LNPK: variants seen among roughly 807,000 people sequenced by gnomAD.
LNPK encodes endoplasmic reticulum junction formation protein lunapark.
A neutral mutation model predicts 55.2 loss-of-function variants in LNPK; 29 were observed. That is an observed-to-expected ratio of 0.53 (90% confidence interval 0.39 to 0.72). The LOEUF (loss-of-function observed/expected upper bound fraction) is 0.72. LNPK is among the 30% of genes least tolerant of loss of function. The pLI, the probability that LNPK is intolerant of heterozygous loss-of-function variation, is 0.00. For synonymous variants in LNPK, 162 were observed against 168.2 expected, an observed-to-expected ratio of 0.96 and a Z score of 0.29; for missense variants, 467 against 494.8, an observed-to-expected ratio of 0.94 and a Z score of 0.53.
At chr2:175,960,672 A>C (rs1299745840) in intron 8 of LNPK, among the ~76,000 whole-genome samples, 2 of 152,214 alleles carry the variant, frequency 1.3e-5, no homozygotes, top group Non-Finnish European at 2.9e-5. Context: ...GAGCAAACAC[A>C]TTCAAAAGCT....
intron 6 of LNPK, among the ~76,000 whole-genome samples, chr2:175,964,873 A>G (rs573342568): frequency 7.9e-4 from 120 of 152,278 alleles, no homozygotes; most frequent in Admixed American, 3.1e-3. Context: ...AATGTGCAAA[A>G]ATCTATCAGC....
At position 175,964,443 on chromosome 2, in the gene LNPK, T is replaced by C; in HGVS notation, c.442-20A>G. On this transcript the variant is annotated intron_variant, in intron 7 of 12. Transcript: ENST00000272748. ...ACACTCCTGTCAATTATAATAATGT[T>C]ATTACAGTGACCTATTACAATGTGT... 6.2e-7 allele frequency: 1 copy of C among 1,608,546 alleles called. No homozygotes were observed. Among genetic ancestry groups the C allele is most frequent in the Middle Eastern group, 1.7e-4 (1 of 6,046 alleles).
chr2:175,995,804 CTTTTTTTTTTTTTTT>C (rs10674444), intron 1 of LNPK, among the ~76,000 whole-genome samples, 158 bp from the exon 2 acceptor site: 1 of 66,398 alleles, frequency 1.5e-5, no homozygotes, highest in South Asian at 8.3e-4. Context: ...TAGAGTCTAC[CTTTTTTTTTTTTTTT>C]TTTTTTTTTT....
intron 12 of LNPK, among the ~76,000 whole-genome samples, chr2:175,935,167 T>G (rs1684479431): frequency 6.6e-6 from 1 of 152,208 alleles, no homozygotes; most frequent in Non-Finnish European, 1.5e-5. Context: ...GGAAGAAAGT[T>G]ATCTTTTGGT....
At chr2:175,938,408 G>A in intron 10 of LNPK, 25 bp from the exon 11 acceptor site, 1 of 1,388,626 alleles carries the variant, frequency 7.2e-7, no homozygotes, top group Non-Finnish European at 1.0e-6. Context: ...AAAATGAACA[G>A]ACCAGTTACA....
Position 175,992,231 on chromosome 2 carries a change from A to G in LNPK, c.257T>C (p.Ile86Thr). 1 of 1,549,838 alleles carries G rather than the reference A, an allele frequency of 6.5e-7. No homozygotes were observed. The highest frequency in any genetic ancestry group is 1.3e-5 in the South Asian group (1 of 79,422). Reference protein sequence around the residue: ...MTLPFFAFPLIIWSIRTVIIF... With the variant: ...MTLPFFAFPLTIWSIRTVIIF... ...TCAACAAAAAGAATAATTTACTTACATCAATGGAAAAGCAAAAAATGGGAG... is the reference window on the plus strand; with the variant it reads ...TCAACAAAAAGAATAATTTACTTACGTCAATGGAAAAGCAAAAAATGGGAG... Residue 86 changes from isoleucine (I) to threonine (T), a missense_variant and splice_region_variant, in exon 4 of 13, where the codon ATC (isoleucine) becomes ACC (threonine). Physicochemically the swap from Ile to Thr is moderately conservative, Grantham distance 89 (BLOSUM62 -1). Transcript: ENST00000272748.
At position 175,939,567 on chromosome 2, in the gene LNPK, T is replaced by G; in HGVS notation, c.797A>C (p.Asp266Ala). The change falls in exon 10 of 13, where the codon GAT (aspartate) becomes GCT (alanine). Residue 266 changes from aspartate (D) to alanine (A), a missense_variant. Coordinates refer to ENST00000272748, the MANE Select transcript of LNPK (RefSeq NM_030650.3). The part of the protein sequence containing the change: ...LDRIVEYLVG[D>A]GPQNRYALIC... ...TAAATATTACCTGTTTTGTGGACCA[T>G]CACCAACCAAATATTCAACAATTCT... 1 of 1,584,064 alleles carries G rather than the reference T, an allele frequency of 6.3e-7. No homozygotes were observed. The highest frequency in any genetic ancestry group is 2.2e-5 in the East Asian group (1 of 44,630).
At chr2:175,938,030 ACT>A (rs754937883) in intron 11 of LNPK, among the ~76,000 whole-genome samples, 16 of 152,036 alleles carry the variant, frequency 1.1e-4, no homozygotes, top group Non-Finnish European at 2.1e-4. Context: ...ATTAAAGGAG[ACT>A]CTTTGTAAAT....
At chr2:175,935,230 A>C (rs1287089942) in intron 12 of LNPK, among the ~76,000 whole-genome samples, 1 of 152,230 alleles carries the variant, frequency 6.6e-6, no homozygotes, top group Non-Finnish European at 1.5e-5. Context: ...GCTAAGAAGG[A>C]GCCACTGCAA....
chr2:175,932,088 C>A, intron 12 of LNPK: 1 of 438,698 alleles, frequency 2.3e-6, no homozygotes, highest in Non-Finnish European at 4.6e-6. Context: ...TGTAACTCAC[C>A]AATAAACATG....
Position 175,947,581 on chromosome 2 carries a change from G to A in LNPK, c.605C>T (p.Ser202Phe). ...CCTTTCTGGGGGTCCACCAGGGGCA[G>A]AACTGTCCTTTGGTGGTCCAGGAGA... ...PVSPGPPKDS[S>F]APGGPPERTV... Residue 202 changes from serine to phenylalanine, a missense_variant, in exon 9 of 13, where the codon TCT becomes TTT. Physicochemically the swap from Ser to Phe is radical, Grantham distance 155. Transcript: ENST00000272748. The A allele has an allele frequency of 6.2e-7, 1 of 1,614,036 alleles. No individual in the cohort carries two copies. Among genetic ancestry groups the A allele is most frequent in the Non-Finnish European group, 8.5e-7 (1 of 1,179,936 alleles).
rs181430878 is a variant in LNPK at position 175,944,045 on chromosome 2, T to C, written c.706+3435A>G. 2.7e-3 allele frequency among the ~76,000 whole-genome samples: 414 copies of C among 152,224 alleles called. 2 individuals are homozygous for C. The highest frequency in any genetic ancestry group is 4.1e-3 in the Non-Finnish European group (277 of 67,952). On this transcript the variant is annotated intron_variant, in intron 9 of 12. Transcript: ENST00000272748. ...AATACTATGTAATCTACAAAAAAGT[T>C]ATACTAACTAGAGCCAATAAATTAG...
intron 8 of LNPK, among the ~76,000 whole-genome samples, chr2:175,960,159 A>C (rs1270196188): frequency 6.6e-6 from 1 of 152,172 alleles, no homozygotes; most frequent in Non-Finnish European, 1.5e-5. Context: ...ACGAGACAGA[A>C]GGTTAACAAG....
At position 175,933,930 on chromosome 2, in the gene LNPK, A is replaced by T. The variant is rs188014204; in HGVS notation, c.1054+3414T>A. Among the ~76,000 whole-genome samples the T allele has an allele frequency of 1.5e-3, 232 of 152,268 alleles. 1 individual carries two copies. The highest frequency in any genetic ancestry group is 5.3e-3 in the African/African-American group (220 of 41,564). On this transcript the variant is annotated intron_variant, in intron 12 of 12. Transcript: ENST00000272748. ...TATTTTTCAGTAGAGACGAGGTCTC[A>T]CAATATCGGCCAGGCTGGTCTCGAA...
intron 6 of LNPK, among the ~76,000 whole-genome samples, chr2:175,969,096 T>C (rs77846222): frequency 0.016 from 2,349 of 151,164 alleles, 24 homozygotes; most frequent in Middle Eastern, 0.028. Context: ...ACAGTCAAGA[T>C]CACAAACTAG....
chr2:175,954,973 G>A (rs1359603986), intron 8 of LNPK, among the ~76,000 whole-genome samples: 1 of 152,160 alleles, frequency 6.6e-6, no homozygotes, highest in African/African-American at 2.4e-5. Flanking sequence ...GTACTATAGA[G>A]TGAAGTGAGG....
intron 12 of LNPK, among the ~76,000 whole-genome samples, chr2:175,933,129 C>T (rs542410542): frequency 3.9e-5 from 6 of 152,056 alleles, no homozygotes; most frequent in Non-Finnish European, 8.8e-5. Context: ...CTGCCATCAC[C>T]CCACCCCAAC....
intron 8 of LNPK, among the ~76,000 whole-genome samples, chr2:175,948,622 T>C (rs1434137479): frequency 6.6e-6 from 1 of 152,256 alleles, no homozygotes; most frequent in African/African-American, 2.4e-5. Context: ...GAAGCCTTTA[T>C]ACTTTTTCAA....
At chr2:175,976,796 C>T (rs985102459) in intron 5 of LNPK, among the ~76,000 whole-genome samples, 2 of 152,198 alleles carry the variant, frequency 1.3e-5, no homozygotes, top group African/African-American at 4.8e-5. Context: ...GGTTCTCAGG[C>T]CTTCAGACTT....
Sources: gnomAD v4.1 joint callset for allele counts (sites outside exome capture counted in the v4.1 genomes callset) on GRCh38, gnomAD v4.1.1 for gene constraint, MANE v1.5 for transcripts, NCBI Gene and HGNC (gene_info 2026-07-23, HGNC 2026-07-21) for gene names.